The following CTPS2 variants were observed in gnomAD, a reference collection of about 807,000 sequenced individuals.
The protein encoded by CTPS2 is CTP synthase II.
A neutral mutation model predicts 46.8 loss-of-function variants in CTPS2; 19 were observed. The ratio of observed to expected loss-of-function variants is 0.41; its 90% CI spans 0.28 to 0.60. The LOEUF is 0.60. Ranked by LOEUF, CTPS2 falls within the 20% of genes least tolerant of loss-of-function variation. The probability of loss-of-function intolerance (pLI) is 0.35; values close to 1 mark genes in which losing one functional copy is unlikely to be tolerated. For missense variants in CTPS2, 286 were observed against 447.6 expected, an observed-to-expected ratio of 0.64 and a Z score of 3.26; for synonymous variants, 151 against 165.2, an observed-to-expected ratio of 0.91 and a Z score of 0.66.
intron 6 of CTPS2, among the ~76,000 whole-genome samples, chrX:16,691,823 C>T (rs146767731): frequency 0.011 from 1,213 of 112,291 alleles, 9 homozygotes; most frequent in Non-Finnish European, 0.019. Flanking sequence ...AACATCGAGA[C>T]GTCTCTGGTG....
In CTPS2 at chrX:16,669,856, G is replaced by A. The variant is rs1479061371; in HGVS notation, c.1189+724C>T. On this transcript the variant is annotated intron_variant, in intron 11 of 18. Coordinates refer to ENST00000359276, the MANE Select transcript of CTPS2 (RefSeq NM_175859.3). ...CCCCAGCTACAGGGCTGCCTCTCCC[G>A]CATCAAGGTCCCATTTCCTCTGGTT... Among the ~76,000 whole-genome samples the A allele has an allele frequency of 7.3e-5, 8 of 110,199 alleles. No homozygotes were observed. In the East Asian group the frequency reaches 8.5e-4, roughly 12 times the overall value.
intron 14 of CTPS2, among the ~76,000 whole-genome samples, chrX:16,623,517 T>G (rs1930949614): frequency 9.0e-6 from 1 of 111,712 alleles, no homozygotes; most frequent in Non-Finnish European, 1.9e-5. Flanking sequence ...GCGATGTTTG[T>G]CTTTCTGTGC....
At chrX:16,698,871 G>A in intron 3 of CTPS2, 52 bp downstream of exon 3, 3 of 1,111,410 alleles carry the variant, frequency 2.7e-6, no homozygotes, top group East Asian at 3.1e-5. Context: ...CTTTTGAGCA[G>A]TACAAAGATA....
intron 10 of CTPS2, among the ~76,000 whole-genome samples, chrX:16,676,382 G>A (rs1396921815): frequency 8.9e-6 from 1 of 111,829 alleles, no homozygotes; most frequent in African/African-American, 3.2e-5. Context: ...CTCAAAAAGA[G>A]AGGAATTTAC....
At chrX:16,667,036 A>G (rs1226408586) in intron 13 of CTPS2, among the ~76,000 whole-genome samples, 1 of 111,128 alleles carries the variant, frequency 9.0e-6, no homozygotes, top group Admixed American at 9.6e-5. Flanking sequence ...GGCATAGCTG[A>G]GAAGATGGAC....
intron 17 of CTPS2, among the ~76,000 whole-genome samples, chrX:16,607,161 T>C (rs2147182203): frequency 8.8e-6 from 1 of 113,090 alleles, no homozygotes; most frequent in African/African-American, 3.2e-5. Flanking sequence ...TAGTTGGTAT[T>C]TGCAAACAGC....
intron 13 of CTPS2, among the ~76,000 whole-genome samples, chrX:16,651,993 G>A (rs1932664691): frequency 9.2e-6 from 1 of 108,721 alleles, no homozygotes; most frequent in Non-Finnish European, 1.9e-5. Context: ...AAGGATAAGT[G>A]GGGGTTTATG....
chrX:16,699,619 G>A (rs781499460), intron 2 of CTPS2, among the ~76,000 whole-genome samples: 2 of 112,416 alleles, frequency 1.8e-5, no homozygotes, highest in African/African-American at 3.2e-5. Context: ...TGCAGACTTC[G>A]TCACACGAGG....
rs1012097356 is a variant in CTPS2, at chrX:16,588,609, G to A, written c.*1208C>T. 9.0e-6 allele frequency: 1 copy of A among 111,503 alleles called. No individual in the cohort carries two copies. Among genetic ancestry groups the A allele is most frequent in the Non-Finnish European group, 1.9e-5 (1 of 53,142 alleles). The allele number at this position is 111,503 out of a possible 1,213,427, so 9.2% of individuals were successfully genotyped here. ...CCAGACACAAAAGACCACATATATT[G>A]TGTAATTCCACTTATATGAAATATC... On this transcript the variant is annotated 3_prime_UTR_variant, in exon 19 of 19. Coordinates refer to ENST00000359276, the MANE Select transcript of CTPS2 (RefSeq NM_175859.3).
chrX:16,618,543 C>T (rs1174044584), intron 15 of CTPS2, among the ~76,000 whole-genome samples: 1 of 111,682 alleles, frequency 9.0e-6, no homozygotes, highest in African/African-American at 3.3e-5. Flanking sequence ...AAAGGGGCTG[C>T]AATATATTCC....
chrX:16,661,437 A>C (rs984017834), intron 13 of CTPS2, among the ~76,000 whole-genome samples: 1 of 112,320 alleles, frequency 8.9e-6, no homozygotes, highest in Non-Finnish European at 1.9e-5. Context: ...TAAGTGGGCC[A>C]TCTGGTTTGT....
intron 4 of CTPS2, among the ~76,000 whole-genome samples, chrX:16,693,781 C>A (rs888742549): frequency 1.8e-5 from 2 of 110,769 alleles, no homozygotes; most frequent in Admixed American, 9.7e-5. Context: ...CAGAGCGAGA[C>A]CCTTTCTCTG....
At chrX:16,689,983 C>T (rs1361716586) in intron 7 of CTPS2, among the ~76,000 whole-genome samples, 2 of 108,800 alleles carry the variant, frequency 1.8e-5, no homozygotes, top group African/African-American at 6.7e-5. Flanking sequence ...ACCCAGGAGG[C>T]GGAGGTTGCA....
chrX:16,613,179 C>T (rs181234127), intron 16 of CTPS2, among the ~76,000 whole-genome samples: 58 of 112,221 alleles, frequency 5.2e-4, no homozygotes, highest in South Asian at 2.2e-3. Flanking sequence ...CACAGGCAAT[C>T]CAATTTATCT....
intron 13 of CTPS2, among the ~76,000 whole-genome samples, chrX:16,659,800 G>A (rs758399013): frequency 1.4e-4 from 15 of 111,037 alleles, no homozygotes; most frequent in African/African-American, 2.0e-4. Context: ...TCAGCCTCCC[G>A]AAGTGCTGGG....
chrX:16,678,588 A>G (rs1032346747), intron 9 of CTPS2, 138 bp from the exon 10 acceptor site: 5 of 455,568 alleles, frequency 1.1e-5, no homozygotes, highest in Non-Finnish European at 1.9e-5. Context: ...GGGATAGAAA[A>G]ACAGTCTCTG....
intron 4 of CTPS2, among the ~76,000 whole-genome samples, chrX:16,697,128 G>A (rs959389893): frequency 8.1e-5 from 9 of 110,978 alleles, no homozygotes; most frequent in Non-Finnish European, 1.3e-4. Context: ...GCACAGAGAG[G>A]TTGAGCAAAC....
chrX:16,612,357 C>G (rs771885988), intron 16 of CTPS2, among the ~76,000 whole-genome samples: 2 of 111,579 alleles, frequency 1.8e-5, no homozygotes, highest in African/African-American at 6.5e-5. Flanking sequence ...GCTTGCAGTC[C>G]GCTTTTAAAA....
At chrX:16,643,858 A>T (rs1381267492) in intron 13 of CTPS2, among the ~76,000 whole-genome samples, 1 of 110,318 alleles carries the variant, frequency 9.1e-6, no homozygotes, top group Non-Finnish European at 1.9e-5. Context: ...ACCATACTAC[A>T]CACAGACCAC....
Sources: gnomAD v4.1 joint callset for allele counts (sites outside exome capture counted in the v4.1 genomes callset) on GRCh38, gnomAD v4.1.1 for gene constraint, MANE v1.5 for transcripts, NCBI Gene and HGNC (gene_info 2026-07-23, HGNC 2026-07-21) for gene names.